Variants in ARFGAP3 observed in about 807,000 individuals in gnomAD.
ARFGAP3 encodes ADP-ribosylation factor GTPase-activating protein 3.
A neutral mutation model predicts 75.0 loss-of-function variants in ARFGAP3; 72 were observed. The ratio of observed to expected loss-of-function variants is 0.96; its 90% CI spans 0.79 to 1.17. The LOEUF is 1.17. Ranked by LOEUF, ARFGAP3 falls within the 50% of genes most tolerant of loss-of-function variation. The pLI, the probability that ARFGAP3 is intolerant of heterozygous loss-of-function variation, is 0.00. For missense variants in ARFGAP3, 620 were observed against 626.6 expected, an observed-to-expected ratio of 0.99 and a Z score of 0.11; for synonymous variants, 221 against 217.9, an observed-to-expected ratio of 1.01 and a Z score of -0.13.
chr22:42,813,449 T>G (rs1245391374), intron 11 of ARFGAP3, among the ~76,000 whole-genome samples: 1 of 152,222 alleles, frequency 6.6e-6, no homozygotes, highest in Non-Finnish European at 1.5e-5. Context: ...TCTGTGATAC[T>G]AAATTTTGTA....
chr22:42,811,607 T>C (rs1925370647), intron 11 of ARFGAP3, among the ~76,000 whole-genome samples: 1 of 152,238 alleles, frequency 6.6e-6, no homozygotes, highest in South Asian at 2.1e-4. Context: ...CTATGGATCA[T>C]GATCACTGGA....
intron 5 of ARFGAP3, 25 bp from the exon 6 acceptor site, chr22:42,831,661 T>A: frequency 6.2e-7 from 1 of 1,612,962 alleles, no homozygotes; most frequent in Non-Finnish European, 8.5e-7. Context: ...GAAAAGTCAT[T>A]AGCAGACAAA....
Position 42,797,450 on chromosome 22 carries a change from A to G in ARFGAP3, c.*138T>C. 1 of 1,100,460 alleles carries G rather than the reference A, an allele frequency of 9.1e-7. No homozygotes were observed. The highest frequency in any genetic ancestry group is 1.3e-6 in the Non-Finnish European group (1 of 746,728). The allele number at this position is 1,100,460 out of a possible 1,614,324, so 68.2% of individuals were successfully genotyped here. Reference sequence around the variant, plus strand: ...TCAGAATTTCTCAAAAGAAATATTAAAAATCAGAAACATATACCATATGAA... The same window carrying G: ...TCAGAATTTCTCAAAAGAAATATTAGAAATCAGAAACATATACCATATGAA... On this transcript the variant is annotated 3_prime_UTR_variant, in exon 16 of 16. Transcript: ENST00000263245.
intron 14 of ARFGAP3, among the ~76,000 whole-genome samples, chr22:42,804,149 C>T (rs1925007723): frequency 6.6e-6 from 1 of 151,798 alleles, no homozygotes. Flanking sequence ...AGCGATACGT[C>T]TTCCTCAGCC....
chr22:42,841,213 C>T (rs578189962), intron 2 of ARFGAP3, 197 bp from the exon 3 acceptor site: 2 of 546,016 alleles, frequency 3.7e-6, no homozygotes, highest in South Asian at 8.1e-5. Context: ...TGGCTCCTCT[C>T]GTCCTTCCTG....
rs148764836 is a variant in ARFGAP3 at position 42,832,290 on chromosome 22, G to A, written c.478-654C>T. On this transcript the variant is annotated intron_variant, in intron 5 of 15. Coordinates refer to ENST00000263245, the MANE Select transcript of ARFGAP3 (RefSeq NM_014570.5). ...CATCTGTAATCCCAGCATTTTGGGA[G>A]GCTGCGGCAGGCAGATCACCTGAGG... Among the ~76,000 whole-genome samples the A allele has an allele frequency of 9.1e-4, 138 of 152,152 alleles. 1 individual carries two copies. The highest frequency in any genetic ancestry group is 3.2e-3 in the African/African-American group (133 of 41,546).
At position 42,823,707 on chromosome 22, in the gene ARFGAP3, C is replaced by CA; in HGVS notation, c.626-6dup. 1 of 1,555,316 alleles carries CA rather than the reference C, an allele frequency of 6.4e-7. No individual in the cohort carries two copies. Among genetic ancestry groups the CA allele is most frequent in the Non-Finnish European group, 8.7e-7 (1 of 1,149,950 alleles). Reference sequence around the variant, plus strand: ...TTTTTATGATAGAGGATACCTCTGCCAAAAAATAAAAATTAAAAAGTAAGA... The same window carrying CA: ...TTTTTATGATAGAGGATACCTCTGCCAAAAAAATAAAAATTAAAAAGTAAGA... On this transcript the variant is annotated splice_region_variant and splice_polypyrimidine_tract_variant and intron_variant, in intron 7 of 15. Transcript: ENST00000263245.
intron 14 of ARFGAP3, chr22:42,799,380 T>A: frequency 3.5e-6 from 1 of 289,104 alleles, no homozygotes; most frequent in Non-Finnish European, 5.2e-6. Flanking sequence ...ATGGGGGACT[T>A]AACACCACTA....
At chr22:42,805,085 GT>G (rs1925058473) in intron 14 of ARFGAP3, among the ~76,000 whole-genome samples, 1 of 152,144 alleles carries the variant, frequency 6.6e-6, no homozygotes. Context: ...GGGCAACACA[GT>G]TAGACCCCGG....
At chr22:42,847,314 A>G (rs2146584375) in intron 2 of ARFGAP3, 200 bp downstream of exon 2, 1 of 505,940 alleles carries the variant, frequency 2.0e-6, no homozygotes, top group African/African-American at 1.9e-5. Flanking sequence ...CTAGAGTTAT[A>G]CATCATCACA....
At chr22:42,840,272 G>A (rs1170357267) in intron 3 of ARFGAP3, among the ~76,000 whole-genome samples, 2 of 152,078 alleles carry the variant, frequency 1.3e-5, no homozygotes, top group Non-Finnish European at 2.9e-5. Flanking sequence ...ATCCCCAGCA[G>A]CTAGCCAACG....
intron 1 of ARFGAP3, among the ~76,000 whole-genome samples, chr22:42,852,183 C>G (rs1927305184): frequency 6.6e-6 from 1 of 151,142 alleles, no homozygotes; most frequent in Non-Finnish European, 1.5e-5. Context: ...GCCTCCCGAG[C>G]AGCTGGGACC....
chr22:42,845,583 A>G (rs1926980815), intron 2 of ARFGAP3, among the ~76,000 whole-genome samples: 1 of 151,432 alleles, frequency 6.6e-6, no homozygotes, highest in African/African-American at 2.4e-5. Flanking sequence ...GTTTGATTCA[A>G]TGGGGAAAAG....
chr22:42,850,242 G>T (rs6002964), intron 1 of ARFGAP3, among the ~76,000 whole-genome samples: 97,439 of 151,794 alleles, frequency 0.64, 32,750 homozygotes, highest in African/African-American at 0.83. Flanking sequence ...TCTAATAGAG[G>T]TGTTTTTAAT....
At chr22:42,807,278 C>T in intron 13 of ARFGAP3, 115 bp from the exon 14 acceptor site, 1 of 1,455,594 alleles carries the variant, frequency 6.9e-7, no homozygotes, top group Admixed American at 2.6e-5. Context: ...CTCTTTCTTT[C>T]CAACAGTTAC....
At chr22:42,855,612 G>A (rs1927460714) in intron 1 of ARFGAP3, among the ~76,000 whole-genome samples, 1 of 152,000 alleles carries the variant, frequency 6.6e-6, no homozygotes, top group Non-Finnish European at 1.5e-5. Flanking sequence ...AAACCCAGGA[G>A]GCAGAGGTTG....
intron 2 of ARFGAP3, among the ~76,000 whole-genome samples, chr22:42,846,451 T>A (rs1042184393): frequency 1.4e-4 from 21 of 152,378 alleles, no homozygotes; most frequent in Admixed American, 5.9e-4. Context: ...CCCATCAGAC[T>A]GTCAGTCCAA....
intron 6 of ARFGAP3, among the ~76,000 whole-genome samples, chr22:42,831,098 G>A (rs889389680): frequency 6.6e-6 from 1 of 151,914 alleles, no homozygotes. Context: ...TCAGGAGTTC[G>A]AGATCAGCAT....
Position 42,808,939 on chromosome 22 carries a change from A to C in ARFGAP3, c.1197-49T>G, listed in dbSNP as rs777610634. 6.7e-6 allele frequency: 10 copies of C among 1,498,202 alleles called. No individual in the cohort carries two copies. In the African/African-American group the frequency reaches 1.4e-4, roughly 21 times the overall value. 92.8% of individuals were successfully genotyped at this position (1,498,202 alleles called of 1,614,324 possible). On this transcript the variant is annotated intron_variant, in intron 12 of 15. Coordinates refer to ENST00000263245, the MANE Select transcript of ARFGAP3 (RefSeq NM_014570.5). ...AGGTTAAACTAATTTGAGGTGAAGC[A>C]AATGTGTTTCATACTCATTTTATTT...
Sources: allele counts gnomAD v4.1 joint callset (sites outside exome capture counted in the v4.1 genomes callset), GRCh38; gene constraint gnomAD v4.1.1; transcripts MANE v1.5; gene names NCBI Gene and HGNC (gene_info 2026-07-23, HGNC 2026-07-21).